Variants in KIAA1549 observed in about 807,000 individuals in gnomAD.
The protein encoded by KIAA1549 is KIAA1549.
In KIAA1549, 70 loss-of-function variants were observed where a neutral mutation model predicts 156.4. That is an observed-to-expected ratio of 0.45 (90% CI 0.37 to 0.55). The LOEUF (loss-of-function observed/expected upper bound fraction) is 0.55. Among genes scored for constraint, KIAA1549 ranks in the 20% least tolerant of loss-of-function variants. KIAA1549 has a pLI of 0.00. For synonymous variants in KIAA1549, 1,103 were observed against 1,066.4 expected, an observed-to-expected ratio of 1.03 and a Z score of -0.67; for missense variants, 2,428 against 2,540.9, an observed-to-expected ratio of 0.96 and a Z score of 0.96.
At chr7:138,953,613 ATAC>A (rs547364154) in intron 1 of KIAA1549, among the ~76,000 whole-genome samples, 207 of 152,306 alleles carry the variant, frequency 1.4e-3, no homozygotes, top group African/African-American at 4.6e-3. Context: ...GAAAGAATAC[ATAC>A]TACAAGTAAA....
chr7:138,886,154 A>G lies in KIAA1549; in HGVS notation c.4033-4570T>C, dbSNP rs549962231. Among the ~76,000 whole-genome samples the G allele has an allele frequency of 1.9e-4, 29 of 152,368 alleles. No individual in the cohort carries two copies. In the East Asian group the frequency reaches 5.2e-3, roughly 27 times the overall value. On this transcript the variant is annotated intron_variant, in intron 10 of 19. Transcript: ENST00000422774. ...TCCTGTCAGTCAAAAGACAAAGGCCAAACAGATCTAAGGAGTGATTTTAGA... is the reference window on the plus strand; with the variant it reads ...TCCTGTCAGTCAAAAGACAAAGGCCGAACAGATCTAAGGAGTGATTTTAGA...
chr7:138,974,642 C>T (rs1298496653), intron 1 of KIAA1549, among the ~76,000 whole-genome samples: 1 of 151,694 alleles, frequency 6.6e-6, no homozygotes, highest in Non-Finnish European at 1.5e-5. Context: ...AGGCTGGTCT[C>T]GAACTCCTGG....
At chr7:138,897,473 T>G (rs1811714246) in intron 9 of KIAA1549, among the ~76,000 whole-genome samples, 1 of 152,224 alleles carries the variant, frequency 6.6e-6, no homozygotes, top group African/African-American at 2.4e-5. Flanking sequence ...TCCTACATGT[T>G]CTCCATAAAG....
rs1339346035 is a variant in KIAA1549 at position 138,835,000 on chromosome 7, A to C, written c.*2906T>G. On this transcript the variant is annotated 3_prime_UTR_variant, in exon 20 of 20. Transcript: ENST00000422774. ...AAAAAAAAAAACAACATTTCTCCAA[A>C]CATTCTGACTCAAATTTACAGTTTG... The C allele has an allele frequency of 4.4e-6, 1 of 228,458 alleles. No individual in the cohort carries two copies. The highest frequency in any genetic ancestry group is 8.7e-6 in the Non-Finnish European group (1 of 115,160). 14.2% of individuals were successfully genotyped at this position (228,458 alleles called of 1,614,324 possible). A position where few individuals can be genotyped will look rare whatever the true frequency, so the allele number is the denominator to read the frequency against.
chr7:138,903,790 A>C, intron 7 of KIAA1549, 54 bp from the exon 8 acceptor site: 1 of 1,459,804 alleles, frequency 6.9e-7, no homozygotes, highest in South Asian at 1.3e-5. Context: ...CAGTAAAAAA[A>C]CAGTGTGTGT....
Position 138,837,909 on chromosome 7 carries a change from G to C in KIAA1549, c.5850C>G (p.Ser1950Arg), listed in dbSNP as rs1288886424. The C allele has an allele frequency of 1.9e-6, 3 of 1,613,506 alleles. No homozygotes were observed. Among genetic ancestry groups the C allele is most frequent in the Non-Finnish European group, 1.7e-6 (2 of 1,179,846 alleles). ...QKQSTVQNFH[S>R] is the part of the protein sequence containing the mutation. ...CAAATCTGCGAGGCGAGGCCGATCA[G>C]CTGTGGAAGTTCTGCACGGTGCTCT... Residue 1950 changes from serine to arginine, a missense_variant, in exon 20 of 20, where the codon AGC becomes AGG. Coordinates refer to ENST00000422774, the MANE Select transcript of KIAA1549 (RefSeq NM_001164665.2).
intron 18 of KIAA1549, among the ~76,000 whole-genome samples, chr7:138,844,047 T>C (rs780581091): frequency 1.8e-4 from 27 of 152,302 alleles, no homozygotes; most frequent in South Asian, 4.2e-4. Context: ...TCTTTCCATT[T>C]ACAGTAAGGA....
intron 8 of KIAA1549, among the ~76,000 whole-genome samples, chr7:138,899,750 G>C (rs577216482): frequency 6.6e-6 from 1 of 152,158 alleles, no homozygotes; most frequent in East Asian, 1.9e-4. Context: ...CACCCTGGAG[G>C]ACAAAATCAC....
In KIAA1549 at chr7:138,911,135, A is replaced by G. The variant is rs752110298; in HGVS notation, c.3145+11T>C. ...TTTACAAATAAAAACAACTATGCTG[A>G]GCTGTCTCACCTGTTTGAACTTGGA... On this transcript the variant is annotated intron_variant, in intron 4 of 19. Transcript: ENST00000422774. 6.5e-7 allele frequency: 1 copy of G among 1,527,026 alleles called. No homozygotes were observed. Among genetic ancestry groups the G allele is most frequent in the East Asian group, 2.3e-5 (1 of 42,848 alleles). The allele number at this position is 1,527,026 out of a possible 1,614,324, so 94.6% of individuals were successfully genotyped here.
intron 1 of KIAA1549, among the ~76,000 whole-genome samples, chr7:138,957,475 C>CTTCTTA (rs1227018596): frequency 8.1e-6 from 1 of 123,130 alleles, no homozygotes; most frequent in Non-Finnish European, 1.6e-5. Flanking sequence ...TCTTCTTCTT[C>CTTCTTA]TTCTTCCTCT....
At chr7:138,977,511 T>C (rs949706431) in intron 1 of KIAA1549, among the ~76,000 whole-genome samples, 4 of 152,146 alleles carry the variant, frequency 2.6e-5, no homozygotes, top group East Asian at 3.9e-4. Flanking sequence ...ATTATAACTT[T>C]CAAAAATTGC....
At chr7:138,934,213 G>C (rs1214776713) in intron 1 of KIAA1549, among the ~76,000 whole-genome samples, 1 of 152,050 alleles carries the variant, frequency 6.6e-6, no homozygotes, top group East Asian at 1.9e-4. Flanking sequence ...ATGGGGTTGA[G>C]AAGGAAGGAA....
intron 1 of KIAA1549, among the ~76,000 whole-genome samples, chr7:138,960,380 G>A (rs1165545510): frequency 7.8e-6 from 1 of 128,126 alleles, no homozygotes; most frequent in Admixed American, 7.1e-5. Context: ...CACTATCTCG[G>A]CTCACTGCAA....
At chr7:138,862,614 A>G (rs1303145524) in intron 15 of KIAA1549, among the ~76,000 whole-genome samples, 1 of 152,138 alleles carries the variant, frequency 6.6e-6, no homozygotes, top group Non-Finnish European at 1.5e-5. Context: ...AAATGAAGGT[A>G]TCTCTGGATC....
rs773756125 is a variant in KIAA1549, at chr7:138,916,961, C to T, written c.2665G>A (p.Gly889Ser). ...TSTEVSTTST[G>S]AATGGPLDST... ...TCGAGGGGACCACCAGTGGCAGCAC[C>T]GGTGCTGGTTGTGCTCACTTCCGTG... Residue 889 changes from glycine to serine, a missense_variant, in exon 2 of 20, where the codon GGT (glycine) becomes AGT (serine). Gly to Ser is a moderately conservative substitution (Grantham distance 56). This residue lies in a region of KIAA1549 where 762 missense variants were observed against 901.6 expected (regional missense o/e 0.85). Transcript: ENST00000422774. 1.1e-5 allele frequency: 17 copies of T among 1,602,932 alleles called. No homozygotes were observed. Among genetic ancestry groups the T allele is most frequent in the East Asian group, 2.2e-5 (1 of 44,806 alleles).
In KIAA1549 at chr7:138,919,401, G is replaced by A; in HGVS notation, c.225C>T (p.Tyr75=). The A allele has an allele frequency of 6.8e-6, 11 of 1,614,032 alleles. No homozygotes were observed. Among genetic ancestry groups the A allele is most frequent in the Non-Finnish European group, 9.3e-6 (11 of 1,179,890 alleles). Residue 75 remains tyrosine (Y), a synonymous_variant, in exon 2 of 20, where the codon TAC becomes TAT. Transcript: ENST00000422774. Reference sequence around the variant, plus strand: ...TTTTCTTCAGCACGAGCTCCATGGAGTATAAAGAAAGGTTGTGCTGTTCCG... The same window carrying A: ...TTTTCTTCAGCACGAGCTCCATGGAATATAAAGAAAGGTTGTGCTGTTCCG... ...LSPEQHNLSL[Y]SMELVLKKST... is the part of the protein sequence containing the mutation.
chr7:138,887,086 T>C (rs959082413), intron 10 of KIAA1549, among the ~76,000 whole-genome samples: 1 of 151,942 alleles, frequency 6.6e-6, no homozygotes, highest in African/African-American at 2.4e-5. Context: ...GTACATATTT[T>C]TTTATTACAG....
At chr7:138,933,641 T>C (rs1341280256) in intron 1 of KIAA1549, among the ~76,000 whole-genome samples, 1 of 152,196 alleles carries the variant, frequency 6.6e-6, no homozygotes. Context: ...GGGAACTCTG[T>C]GCATTAATTT....
rs371012508 is a variant in KIAA1549 at position 138,916,704 on chromosome 7, A to G, written c.2878+44T>C. The G allele has an allele frequency of 3.2e-5, 51 of 1,604,414 alleles. 1 individual carries two copies. In the South Asian group the frequency reaches 3.8e-4, roughly 12 times the overall value. On this transcript the variant is annotated intron_variant, in intron 2 of 19. Coordinates refer to ENST00000422774, the MANE Select transcript of KIAA1549 (RefSeq NM_001164665.2). ...CAGGCACTGCACACAAGCTCCTTAG[A>G]AAGATTGCCCACCCCAGAGAGGCGG...
Sources: allele counts gnomAD v4.1 joint callset (sites outside exome capture counted in the v4.1 genomes callset), GRCh38; gene constraint gnomAD v4.1.1; regional missense constraint gnomAD v4.1.1; transcripts MANE v1.5; gene names NCBI Gene and HGNC (gene_info 2026-07-23, HGNC 2026-07-21).